The following ERBB4 variants were observed in gnomAD, a reference collection of about 807,000 sequenced individuals.
ERBB4 encodes receptor tyrosine-protein kinase erbB-4.
In ERBB4, 42 loss-of-function variants were observed where a neutral mutation model predicts 158.0. The ratio of observed to expected loss-of-function variants is 0.27; its 90% confidence interval spans 0.21 to 0.34. The LOEUF is 0.34. Among genes scored for constraint, ERBB4 ranks in the 10% least tolerant of loss-of-function variants. The pLI is 1.00. For missense variants in ERBB4, 1,333 were observed against 1,624.1 expected (o/e 0.82, Z 3.08); for synonymous variants, 583 against 558.7 (o/e 1.04, Z -0.61).
intron 20 of ERBB4, among the ~76,000 whole-genome samples, chr2:211,520,998 T>G (rs12329252): frequency 0.29 from 44,580 of 151,998 alleles, 7,584 homozygotes; most frequent in East Asian, 0.62. Context: ...TTTTCCCATC[T>G]GCTGGGGCCT....
At chr2:212,444,439 T>C (rs2092311465) in intron 1 of ERBB4, among the ~76,000 whole-genome samples, 2 of 152,268 alleles carry the variant, frequency 1.3e-5, no homozygotes, top group Admixed American at 6.5e-5. Flanking sequence ...AGACAAAGCA[T>C]GATTAGAAAA....
chr2:211,880,413 ATCC>A (rs1037659703), intron 3 of ERBB4, among the ~76,000 whole-genome samples: 1 of 152,180 alleles, frequency 6.6e-6, no homozygotes, highest in Non-Finnish European at 1.5e-5. Context: ...CTATATTTTT[ATCC>A]TCCTATTATG....
intron 3 of ERBB4, among the ~76,000 whole-genome samples, chr2:211,921,294 T>C (rs1559104928): frequency 1.3e-5 from 2 of 152,032 alleles, no homozygotes; most frequent in Non-Finnish European, 1.5e-5. Flanking sequence ...CTGGCTAACA[T>C]GATCCCCTCA....
rs569134931 is a variant in ERBB4 at position 212,272,611 on chromosome 2, T to C, written c.83-147708A>G. 7.2e-5 allele frequency among the ~76,000 whole-genome samples: 11 copies of C among 151,880 alleles called. No homozygotes were observed. In the South Asian group the frequency reaches 1.9e-3, roughly 26 times the overall value. Reference sequence around the variant, plus strand: ...TAATGTCAGCAAGAGAAAAAAACTCTGTGGGTTAAGCTATTAGGAATACAT... The same window carrying C: ...TAATGTCAGCAAGAGAAAAAAACTCCGTGGGTTAAGCTATTAGGAATACAT... On this transcript the variant is annotated intron_variant, in intron 1 of 27. Coordinates refer to ENST00000342788, the MANE Select transcript of ERBB4 (RefSeq NM_005235.3).
chr2:212,038,793 G>C (rs929501298), intron 2 of ERBB4, among the ~76,000 whole-genome samples: 8 of 152,062 alleles, frequency 5.3e-5, no homozygotes, highest in African/African-American at 1.9e-4. Context: ...AGAAGAATAT[G>C]TTGTATTCTC....
intron 20 of ERBB4, among the ~76,000 whole-genome samples, chr2:211,457,896 A>G (rs1225645249): frequency 6.6e-6 from 1 of 152,236 alleles, no homozygotes; most frequent in Non-Finnish European, 1.5e-5. Context: ...CCGCTGGTCC[A>G]CTGTGGGTAT....
At chr2:212,446,637 A>ATATC (rs1574935617) in intron 1 of ERBB4, among the ~76,000 whole-genome samples, 1 of 99,352 alleles carries the variant, frequency 1.0e-5, no homozygotes, top group African/African-American at 3.6e-5. Flanking sequence ...ATATATATAT[A>ATATC]TCCTATTAGT....
chr2:211,420,484 G>C lies in ERBB4; in HGVS notation c.3092C>G (p.Pro1031Arg), dbSNP rs369858826. ...EYLVPQAFNI[P>R]PPIYTSRARI... ...TGCTCTGGAAGTATAGATGGGAGGT[G>C]GGATGTTGAAAGCCTGAGGGACCAA... is the stretch of plus-strand genomic sequence containing the variant. Residue 1031 changes from proline to arginine, a missense_variant, in exon 25 of 28, where the codon CCA (proline) becomes CGA (arginine). By Grantham distance (103) the Pro-to-Arg change is moderately radical (BLOSUM62 -2). Transcript: ENST00000342788. 15 of 1,612,280 alleles carry C rather than the reference G, an allele frequency of 9.3e-6. No individual in the cohort carries two copies. The African/African-American group carries it at 2.0e-4, about 22-fold the overall frequency.
At chr2:212,109,073 T>G (rs2079320006) in intron 2 of ERBB4, among the ~76,000 whole-genome samples, 3 of 152,186 alleles carry the variant, frequency 2.0e-5, no homozygotes, top group Non-Finnish European at 4.4e-5. Flanking sequence ...GACAATGTCA[T>G]GGATCATTGT....
chr2:211,706,697 G>A (rs2073457632), intron 9 of ERBB4, among the ~76,000 whole-genome samples: 1 of 152,004 alleles, frequency 6.6e-6, no homozygotes, highest in Non-Finnish European at 1.5e-5. Flanking sequence ...TTAACATGGA[G>A]TGCTTTATAC....
intron 20 of ERBB4, among the ~76,000 whole-genome samples, chr2:211,525,916 C>G (rs1357473200): frequency 1.3e-5 from 2 of 152,022 alleles, no homozygotes; most frequent in Admixed American, 6.5e-5. Flanking sequence ...TGAAGGCCAA[C>G]CAAACCATAG....
chr2:212,259,852 C>T (rs1386300615), intron 1 of ERBB4, among the ~76,000 whole-genome samples: 1 of 151,930 alleles, frequency 6.6e-6, no homozygotes, highest in Non-Finnish European at 1.5e-5. Flanking sequence ...GGTGGATCAC[C>T]TGAGGTCAGG....
At chr2:211,684,432 C>A in intron 12 of ERBB4, among the ~76,000 whole-genome samples, 1 of 151,566 alleles carries the variant, frequency 6.6e-6, no homozygotes, top group Non-Finnish European at 1.5e-5. Flanking sequence ...GCCTGGGCAA[C>A]AAGAGTGAAA....
At position 211,947,420 on chromosome 2, in the gene ERBB4, T is replaced by A; in HGVS notation, c.421+10A>T. The stretch of plus-strand genomic sequence containing the variant: ...GAAAGCATATTTGCCATTTTGGATA[T>A]ATTCCTTACCTGTCAAGTTCTTTAA... On this transcript the variant is annotated intron_variant, in intron 3 of 27. Transcript: ENST00000342788. 4 of 1,609,594 alleles carry A rather than the reference T, an allele frequency of 2.5e-6. No homozygotes were observed. Among genetic ancestry groups the A allele is most frequent in the Non-Finnish European group, 2.6e-6 (3 of 1,176,170 alleles).
intron 7 of ERBB4, 135 bp from the exon 8 acceptor site, chr2:211,713,783 T>C (rs2073797596): frequency 1.5e-6 from 1 of 647,170 alleles, no homozygotes; most frequent in African/African-American, 1.8e-5. Flanking sequence ...CTTAAACAAC[T>C]CTTTGTTTAA....
chr2:212,263,606 AC>A (rs2085022945), intron 1 of ERBB4, among the ~76,000 whole-genome samples: 1 of 152,096 alleles, frequency 6.6e-6, no homozygotes, highest in African/African-American at 2.4e-5. Context: ...GAAAAAATTA[AC>A]AATTCTATAA....
chr2:211,899,245 T>C (rs1045149267), intron 3 of ERBB4, among the ~76,000 whole-genome samples: 4 of 152,130 alleles, frequency 2.6e-5, no homozygotes, highest in Admixed American at 6.6e-5. Context: ...TCACATTTCA[T>C]CTGATGTACT....
chr2:212,298,885 T>G (rs941405167), intron 1 of ERBB4, among the ~76,000 whole-genome samples: 1 of 151,590 alleles, frequency 6.6e-6, no homozygotes, highest in Non-Finnish European at 1.5e-5. Flanking sequence ...AATAATTACC[T>G]CAAATAGTTA....
intron 2 of ERBB4, among the ~76,000 whole-genome samples, chr2:211,984,600 T>C (rs1013265086): frequency 1.3e-5 from 2 of 152,040 alleles, no homozygotes; most frequent in African/African-American, 4.8e-5. Flanking sequence ...CATTGTGTCC[T>C]CAATGCCTAG....
Sources: gnomAD v4.1 joint callset for allele counts (sites outside exome capture counted in the v4.1 genomes callset) on GRCh38, gnomAD v4.1.1 for gene constraint, MANE v1.5 for transcripts, NCBI Gene and HGNC (gene_info 2026-07-23, HGNC 2026-07-21) for gene names.